The following VPS13D variants were observed in gnomAD, a reference collection of about 807,000 sequenced individuals.
VPS13D encodes the protein intermembrane lipid transfer protein VPS13D.
Under a neutral mutation model 461.9 loss-of-function variants are expected in VPS13D, and 187 were observed. That is an observed-to-expected ratio of 0.40 (90% CI 0.36 to 0.46). The LOEUF is 0.46. VPS13D is among the 20% of genes least tolerant of loss of function. The pLI, the probability that VPS13D is intolerant of heterozygous loss-of-function variation, is 0.60. For missense variants in VPS13D, 4,711 were observed against 5,364.9 expected (o/e 0.88, Z 3.81); for synonymous variants, 1,951 against 1,986.3 (o/e 0.98, Z 0.47).
At chr1:12,288,109 T>C in intron 21 of VPS13D, 114 bp from the exon 22 acceptor site, 1 of 854,862 alleles carries the variant, frequency 1.2e-6, no homozygotes, top group Non-Finnish European at 1.9e-6. Flanking sequence ...TTAAAAGCAT[T>C]ACCTTCAAGT....
chr1:12,249,553 C>G lies in VPS13D; in HGVS notation c.564+214C>G, dbSNP rs1159348211. The G allele has an allele frequency of 2.3e-5, 9 of 389,974 alleles. No individual in the cohort carries two copies. The East Asian group carries it at 3.9e-4, about 17-fold the overall frequency. The allele number at this position is 389,974 out of a possible 1,614,324, so 24.2% of individuals were successfully genotyped here. A position where few individuals can be genotyped will look rare whatever the true frequency, so the allele number is the denominator to read the frequency against. ...CTCTGACCTTTGGTTATATCACTTTCATTTTATACATGAAGAAACTGAGGG... is the reference window on the plus strand; with the variant it reads ...CTCTGACCTTTGGTTATATCACTTTGATTTTATACATGAAGAAACTGAGGG... On this transcript the variant is annotated intron_variant, in intron 6 of 69. Transcript: ENST00000620676.
intron 29 of VPS13D, 88 bp downstream of exon 29, chr1:12,312,013 A>C (rs1642764381): frequency 1.8e-6 from 2 of 1,101,946 alleles, no homozygotes; most frequent in Admixed American, 4.5e-5. Context: ...GAGGTTGCAG[A>C]GTGGTGGCCC....
At chr1:12,309,910 T>TA (rs1642684989) in intron 27 of VPS13D, among the ~76,000 whole-genome samples, 2 of 152,204 alleles carry the variant, frequency 1.3e-5, no homozygotes, top group African/African-American at 2.4e-5. Flanking sequence ...GGATTAATGA[T>TA]ACAACTTAGC....
chr1:12,274,113 T>C (rs560753858), intron 18 of VPS13D, among the ~76,000 whole-genome samples: 3 of 152,266 alleles, frequency 2.0e-5, no homozygotes, highest in South Asian at 4.1e-4. Context: ...CCATCTCAGG[T>C]CACTGCAACC....
At chr1:12,321,174 T>G (rs1002474641) in intron 32 of VPS13D, among the ~76,000 whole-genome samples, 1 of 152,190 alleles carries the variant, frequency 6.6e-6, no homozygotes, top group African/African-American at 2.4e-5. Context: ...TTATAGAACA[T>G]TTCAAACATA....
intron 6 of VPS13D, among the ~76,000 whole-genome samples, chr1:12,251,978 C>T (rs1024401750): frequency 6.6e-6 from 1 of 152,140 alleles, no homozygotes; most frequent in Non-Finnish European, 1.5e-5. Flanking sequence ...CCGTCCCATG[C>T]GTCTCTCCTT....
At chr1:12,278,614 A>G (rs1304553978) in intron 19 of VPS13D, among the ~76,000 whole-genome samples, 2 of 152,168 alleles carry the variant, frequency 1.3e-5, no homozygotes, top group Non-Finnish European at 2.9e-5. Context: ...TTGAAACTGT[A>G]TGAGTGCTCA....
At position 12,257,189 on chromosome 1, in the gene VPS13D, G is replaced by T. The variant is rs1161286044; in HGVS notation, c.941+102G>T. ...TCACTGTCCTTTACCCATGTTTGGA[G>T]ATAAAAGTACAGTTGATTTTTCTGG... is the stretch of plus-strand genomic sequence containing the variant. On this transcript the variant is annotated intron_variant, in intron 9 of 69. Transcript: ENST00000620676. 4.9e-6 allele frequency: 5 copies of T among 1,026,370 alleles called. No individual in the cohort carries two copies. The East Asian group carries it at 1.2e-4, about 25-fold the overall frequency. The allele number at this position is 1,026,370 out of a possible 1,614,324, so 63.6% of individuals were successfully genotyped here.
Position 12,275,809 on chromosome 1 carries a change from T to G in VPS13D, c.2237-16T>G. On this transcript the variant is annotated splice_polypyrimidine_tract_variant and intron_variant, in intron 18 of 69. Transcript: ENST00000620676. ...ATAGCAGACATATATTTGAATCTTCTTTTTTTTATCTTCAGATAACTCCAG... is the reference window on the plus strand; with the variant it reads ...ATAGCAGACATATATTTGAATCTTCGTTTTTTTATCTTCAGATAACTCCAG... The G allele has an allele frequency of 6.5e-7, 1 of 1,539,560 alleles. No homozygotes were observed. The highest frequency in any genetic ancestry group is 8.7e-7 in the Non-Finnish European group (1 of 1,145,256).
intron 26 of VPS13D, among the ~76,000 whole-genome samples, chr1:12,305,270 T>G (rs72866637): frequency 6.6e-6 from 1 of 152,090 alleles, no homozygotes; most frequent in African/African-American, 2.4e-5. Flanking sequence ...TTTTCTGGTT[T>G]TATGTATTTT....
chr1:12,308,380 CT>C lies in VPS13D; in HGVS notation c.6440-46del, dbSNP rs746107787. 67 of 1,601,608 alleles carry C rather than the reference CT, an allele frequency of 4.2e-5. No individual in the cohort carries two copies. The South Asian group carries it at 6.4e-4, about 15-fold the overall frequency. Reference sequence around the variant, plus strand: ...ATTTTTTATTTGTTTAGTGCAACCCCTTTTTGGGTCCCCTTTTCTTCATTAC... The same window carrying C: ...ATTTTTTATTTGTTTAGTGCAACCCCTTTTGGGTCCCCTTTTCTTCATTAC... On this transcript the variant is annotated intron_variant, in intron 26 of 69. Coordinates refer to ENST00000620676, the MANE Select transcript of VPS13D (RefSeq NM_015378.4).
At chr1:12,396,905 T>G (rs1207355310) in intron 60 of VPS13D, among the ~76,000 whole-genome samples, 2 of 152,224 alleles carry the variant, frequency 1.3e-5, no homozygotes, top group Non-Finnish European at 2.9e-5. Flanking sequence ...TTAACTTTAT[T>G]CTTTACTTTA....
intron 63 of VPS13D, among the ~76,000 whole-genome samples, chr1:12,411,143 G>A (rs1182432650): frequency 6.6e-6 from 1 of 152,094 alleles, no homozygotes; most frequent in Non-Finnish European, 1.5e-5. Context: ...AGAAGTAAAA[G>A]GCATAGGAGC....
intron 67 of VPS13D, among the ~76,000 whole-genome samples, chr1:12,467,264 C>T (rs1188622040): frequency 6.6e-6 from 1 of 152,190 alleles, no homozygotes. Context: ...CTCCACCTCC[C>T]GGGTTCAAGC....
intron 65 of VPS13D, among the ~76,000 whole-genome samples, chr1:12,448,967 C>T (rs1645227655): frequency 1.3e-5 from 2 of 152,110 alleles, no homozygotes; most frequent in South Asian, 4.1e-4. Context: ...GGCCTGACTT[C>T]CTTGCATGTG....
At position 12,257,969 on chromosome 1, in the gene VPS13D, A is replaced by G. The variant is rs1409020522; in HGVS notation, c.976A>G (p.Asn326Asp). The G allele has an allele frequency of 6.2e-7, 1 of 1,614,142 alleles. No individual in the cohort carries two copies. The highest frequency in any genetic ancestry group is 8.5e-7 in the Non-Finnish European group (1 of 1,180,044). Residue 326 changes from asparagine to aspartate, a missense_variant, in exon 10 of 70, where the codon AAC becomes GAC. This residue lies in a region of VPS13D where 4,411 missense variants were observed against 4,937.8 expected (regional missense o/e 0.89). Coordinates refer to ENST00000620676, the MANE Select transcript of VPS13D (RefSeq NM_015378.4). ...ATGGTGGTATTTTGCTTTGAATGCT[A>G]ACTTGTATGAGATCAGAGAGCAGAG... ...REWWYFALNA[N>D]LYEIREQRKR...
chr1:12,416,872 T>C (rs561150091), intron 65 of VPS13D, 45 bp downstream of exon 65: 1 of 1,550,282 alleles, frequency 6.5e-7, no homozygotes, highest in South Asian at 1.3e-5. Context: ...ACCTCACGAG[T>C]CCTCTACAGT....
chr1:12,480,564 G>A (rs1645701041), intron 67 of VPS13D, among the ~76,000 whole-genome samples: 1 of 152,200 alleles, frequency 6.6e-6, no homozygotes, highest in Non-Finnish European at 1.5e-5. Context: ...TTACATGATT[G>A]CTAATCCTGA....
At chr1:12,387,445 T>A (rs1570066691) in intron 60 of VPS13D, among the ~76,000 whole-genome samples, 1 of 152,372 alleles carries the variant, frequency 6.6e-6, no homozygotes, top group African/African-American at 2.4e-5. Flanking sequence ...TTCTATATAA[T>A]GAGGAGACTA....
Sources: gnomAD v4.1 joint callset for allele counts (sites outside exome capture counted in the v4.1 genomes callset) on GRCh38, gnomAD v4.1.1 for gene constraint, gnomAD v4.1.1 regional missense constraint, MANE v1.5 for transcripts, NCBI Gene and HGNC (gene_info 2026-07-23, HGNC 2026-07-21) for gene names.